ANO6: variants seen among roughly 807,000 people sequenced by gnomAD.
ANO6 encodes the protein anoctamin-6.
In ANO6, 106 loss-of-function variants were observed where a neutral mutation model predicts 117.5. The observed-to-expected ratio is 0.90, with a 90% CI of 0.77 to 1.06. ANO6 has a LOEUF of 1.06. ANO6 is among the 50% of genes least tolerant of loss of function. The pLI is 0.00. For missense variants in ANO6, 955 were observed against 1,121.1 expected, an observed-to-expected ratio of 0.85 and a Z score of 2.12; for synonymous variants, 367 against 385.1, an observed-to-expected ratio of 0.95 and a Z score of 0.55.
chr12:45,338,438 G>A (rs867374656), intron 3 of ANO6, among the ~76,000 whole-genome samples: 65 of 152,166 alleles, frequency 4.3e-4, no homozygotes, highest in Admixed American at 9.8e-4. Flanking sequence ...TTGGAAACTT[G>A]AGCCTCATGT....
chr12:45,348,598 T>G lies in ANO6; in HGVS notation c.714T>G (p.Ser238=). 6.2e-7 allele frequency: 1 copy of G among 1,613,984 alleles called. No homozygotes were observed. Among genetic ancestry groups the G allele is most frequent in the Non-Finnish European group, 8.5e-7 (1 of 1,179,906 alleles). The change falls in exon 6 of 20, where the codon TCT becomes TCG. Residue 238 remains serine (S), a synonymous_variant. Transcript: ENST00000320560. ...TTGGGATCAACAGACTTGTAAACTC[T>G]GGGATCTACAAGGCAGCTTTCCCAC... ...SKFGINRLVN[S]GIYKAAFPLH... is the part of the protein sequence containing the mutation.
intron 4 of ANO6, 34 bp from the exon 5 acceptor site, chr12:45,347,994 T>C: frequency 6.2e-7 from 1 of 1,602,432 alleles, no homozygotes; most frequent in Non-Finnish European, 8.5e-7. Flanking sequence ...AAAGAGTTGG[T>C]TTCTTGTTCT....
chr12:45,302,010 T>C lies in ANO6; in HGVS notation c.71-4T>C. The C allele has an allele frequency of 6.2e-7, 1 of 1,613,838 alleles. No individual in the cohort carries two copies. The highest frequency in any genetic ancestry group is 8.5e-7 in the Non-Finnish European group (1 of 1,179,758). ...CATTTGTTTATATATTCATTCGTTT[T>C]TAGTGTTGGAAAACCTTGGACAGAC... On this transcript the variant is annotated splice_region_variant and splice_polypyrimidine_tract_variant and intron_variant, in intron 1 of 19. Coordinates refer to ENST00000320560, the MANE Select transcript of ANO6 (RefSeq NM_001025356.3).
intron 1 of ANO6, among the ~76,000 whole-genome samples, chr12:45,245,080 A>G (rs1226462371): frequency 6.6e-6 from 1 of 152,150 alleles, no homozygotes; most frequent in Admixed American, 6.5e-5. Context: ...CCCCAGGAAG[A>G]AAACGTTCTG....
At chr12:45,373,468 TCTC>T (rs1941907834) in intron 9 of ANO6, among the ~76,000 whole-genome samples, 2 of 151,906 alleles carry the variant, frequency 1.3e-5, no homozygotes, top group African/African-American at 2.4e-5. Flanking sequence ...GAAATAAAGC[TCTC>T]CTCAGCGAAT....
chr12:45,419,594 G>A (rs552384248), intron 17 of ANO6, among the ~76,000 whole-genome samples: 1 of 152,224 alleles, frequency 6.6e-6, no homozygotes, highest in South Asian at 2.1e-4. Context: ...CTGAGATTTG[G>A]TTTGTGGTCT....
chr12:45,269,039 A>T (rs949266552), intron 1 of ANO6, among the ~76,000 whole-genome samples: 2 of 152,158 alleles, frequency 1.3e-5, no homozygotes, highest in Admixed American at 6.5e-5. Flanking sequence ...CAGACCCTCC[A>T]AGCTAACAGC....
At chr12:45,416,150 T>A (rs1203397263) in intron 16 of ANO6, among the ~76,000 whole-genome samples, 5 of 152,236 alleles carry the variant, frequency 3.3e-5, no homozygotes, top group African/African-American at 4.8e-5. Context: ...TTTCTGTGAT[T>A]TCTATTACTG....
intron 1 of ANO6, among the ~76,000 whole-genome samples, chr12:45,261,902 T>C (rs1178405246): frequency 6.6e-6 from 1 of 152,202 alleles, no homozygotes; most frequent in African/African-American, 2.4e-5. Context: ...GGTACCGTTT[T>C]CACTTAAATG....
chr12:45,390,541 T>G, intron 12 of ANO6, 43 bp downstream of exon 12: 1 of 1,543,908 alleles, frequency 6.5e-7, no homozygotes, highest in Non-Finnish European at 8.9e-7. Context: ...AAAAATGTTT[T>G]TATTATGTAA....
chr12:45,323,621 A>G (rs1388356573), intron 2 of ANO6, among the ~76,000 whole-genome samples: 1 of 152,118 alleles, frequency 6.6e-6, no homozygotes, highest in Admixed American at 6.5e-5. Flanking sequence ...CTTCACAATT[A>G]CCCTGCCTTT....
chr12:45,303,760 C>G (rs1939575008), intron 2 of ANO6, among the ~76,000 whole-genome samples: 1 of 152,174 alleles, frequency 6.6e-6, no homozygotes, highest in Non-Finnish European at 1.5e-5. Context: ...GGGTGGAACT[C>G]CGGGCTCACA....
chr12:45,337,524 G>T (rs1047622331), intron 3 of ANO6, among the ~76,000 whole-genome samples: 2 of 152,062 alleles, frequency 1.3e-5, no homozygotes, highest in Non-Finnish European at 2.9e-5. Flanking sequence ...TATCCCTGTT[G>T]TTAAGCAATG....
At chr12:45,229,514 C>T (rs1032087277) in intron 1 of ANO6, among the ~76,000 whole-genome samples, 4 of 151,868 alleles carry the variant, frequency 2.6e-5, no homozygotes, top group African/African-American at 9.7e-5. Context: ...CTCAGCCTCC[C>T]GAGTAGCTGG....
At chr12:45,229,369 C>T (rs1194329719) in intron 1 of ANO6, among the ~76,000 whole-genome samples, 2 of 146,868 alleles carry the variant, frequency 1.4e-5, no homozygotes, top group Non-Finnish European at 3.0e-5. Context: ...CTATCAATCT[C>T]CTCAGTTTTT....
rs11182985 is a variant in ANO6 at position 45,337,900 on chromosome 12, A to G, written c.279+6477A>G. 2.9e-3 allele frequency among the ~76,000 whole-genome samples: 442 copies of G among 152,180 alleles called. 4 individuals carry two copies. The highest frequency in any genetic ancestry group is 0.01 in the African/African-American group (423 of 41,546). ...TTATACATAACATTTTTATTTATCAATTAAAATAAATATAAATGTTAGGAG... is the reference window on the plus strand; with the variant it reads ...TTATACATAACATTTTTATTTATCAGTTAAAATAAATATAAATGTTAGGAG... On this transcript the variant is annotated intron_variant, in intron 3 of 19. Coordinates refer to ENST00000320560, the MANE Select transcript of ANO6 (RefSeq NM_001025356.3).
intron 2 of ANO6, among the ~76,000 whole-genome samples, chr12:45,321,255 A>G (rs918590989): frequency 1.3e-5 from 2 of 152,202 alleles, no homozygotes; most frequent in Non-Finnish European, 2.9e-5. Context: ...GGATTGCACA[A>G]TGAAACTCAA....
intron 10 of ANO6, 26 bp from the exon 11 acceptor site, chr12:45,388,135 C>T (rs982861355): frequency 1.9e-6 from 3 of 1,613,330 alleles, no homozygotes; most frequent in Non-Finnish European, 2.5e-6. Flanking sequence ...TGAAAATCCA[C>T]ACAAGCTCTT....
At chr12:45,384,367 C>G (rs1942243333) in intron 10 of ANO6, among the ~76,000 whole-genome samples, 1 of 152,180 alleles carries the variant, frequency 6.6e-6, no homozygotes. Flanking sequence ...TTTTCATATC[C>G]TTCAAGAACT....
Sources: allele counts gnomAD v4.1 joint callset (sites outside exome capture counted in the v4.1 genomes callset), GRCh38; gene constraint gnomAD v4.1.1; transcripts MANE v1.5; gene names NCBI Gene and HGNC (gene_info 2026-07-23, HGNC 2026-07-21).